The following KREMEN1 variants were observed in gnomAD, a reference collection of about 807,000 sequenced individuals.
KREMEN1 encodes kremen protein 1.
KREMEN1 carries 30 observed loss-of-function variants against 46.5 expected under a neutral mutation model. The observed-to-expected ratio is 0.65, with a 90% confidence interval of 0.48 to 0.88. KREMEN1 has a LOEUF of 0.88. Among genes scored for constraint, KREMEN1 ranks in the 40% least tolerant of loss-of-function variants. KREMEN1 has a pLI of 0.00. For missense variants in KREMEN1, 533 were observed against 596.9 expected (o/e 0.89, Z 1.11); for synonymous variants, 214 against 230.6 (o/e 0.93, Z 0.65).
rs752545754 is a variant in KREMEN1, at chr22:29,121,424, G to A, written c.420G>A (p.Thr140=). Residue 140 remains threonine, a synonymous_variant, in exon 4 of 9, where the codon ACG becomes ACA. Transcript: ENST00000400335. ...NPPPLTGTSK[T]SNKLTIQTCI... ...CTCCTCTAACTGGCACCAGTAAAAC[G>A]TCCAACAAACTCACCATACAAACTT... 11 of 1,613,956 alleles carry A rather than the reference G, an allele frequency of 6.8e-6. No individual in the cohort carries two copies. The highest frequency in any genetic ancestry group is 2.7e-5 in the African/African-American group (2 of 74,898).
At chr22:29,090,948 C>T (rs2037794409) in intron 1 of KREMEN1, among the ~76,000 whole-genome samples, 1 of 151,362 alleles carries the variant, frequency 6.6e-6, no homozygotes, top group African/African-American at 2.4e-5. Context: ...ATCTCGTCTC[C>T]ATGAGGACTG....
chr22:29,073,412 C>A lies in KREMEN1; in HGVS notation c.97+185C>A, dbSNP rs2037507486. Among the ~76,000 whole-genome samples, 3 of 151,694 alleles carry A rather than the reference C, an allele frequency of 2.0e-5. No individual in the cohort carries two copies. The highest frequency in any genetic ancestry group is 6.6e-5 in the Admixed American group (1 of 15,262). On this transcript the variant is annotated intron_variant, in intron 1 of 8. Transcript: ENST00000400335. The surrounding 1 kb of genome is among the most constrained non-coding windows in gnomAD (Gnocchi z 4.4). ...CCTGGGACCCGGGCTACCCCCAGGCCCGTCATCGACGCCCCCGGGCCCGGT... is the reference window on the plus strand; with the variant it reads ...CCTGGGACCCGGGCTACCCCCAGGCACGTCATCGACGCCCCCGGGCCCGGT...
chr22:29,151,501 G>T (rs1206381565), downstream of KREMEN1, among the ~76,000 whole-genome samples: 1 of 152,122 alleles, frequency 6.6e-6, no homozygotes, highest in Non-Finnish European at 1.5e-5. Context: ...ACTCCAACAA[G>T]CCCTGGAGCC....
At chr22:29,107,360 T>C (rs1445874465) in intron 3 of KREMEN1, among the ~76,000 whole-genome samples, 1 of 151,710 alleles carries the variant, frequency 6.6e-6, no homozygotes, top group East Asian at 1.9e-4. Flanking sequence ...AGTAGCTGGA[T>C]TACAGGTGCC....
intron 1 of KREMEN1, among the ~76,000 whole-genome samples, chr22:29,076,037 A>T (rs2037564542): frequency 6.6e-6 from 1 of 152,142 alleles, no homozygotes; most frequent in Non-Finnish European, 1.5e-5. Flanking sequence ...AGTAGAAGGT[A>T]ATGGAATCTA....
At chr22:29,140,247 A>G in intron 7 of KREMEN1, 35 bp from the exon 8 acceptor site, 2 of 1,574,136 alleles carry the variant, frequency 1.3e-6, no homozygotes, top group Middle Eastern at 1.7e-4. Context: ...CCAACCATAA[A>G]CAAGTCTGGT....
chr22:29,086,340 C>T (rs1432068009), intron 1 of KREMEN1, among the ~76,000 whole-genome samples: 2 of 152,158 alleles, frequency 1.3e-5, no homozygotes, highest in Non-Finnish European at 2.9e-5. Flanking sequence ...ATCATTTCCC[C>T]TTTATTGCAC....
rs567522780 is a variant in KREMEN1 at position 29,143,319 on chromosome 22, A to G, written c.*1207A>G. Reference sequence around the variant, plus strand: ...ACCTGAGCCAGGCCTCAGTCTCTCCATGATTGGCTCAGCTAACTCTCAGTT... The same window carrying G: ...ACCTGAGCCAGGCCTCAGTCTCTCCGTGATTGGCTCAGCTAACTCTCAGTT... On this transcript the variant is annotated 3_prime_UTR_variant, in exon 9 of 9. Transcript: ENST00000400335. 1.1e-5 allele frequency: 11 copies of G among 985,422 alleles called. No homozygotes were observed. The highest frequency in any genetic ancestry group is 1.0e-4 in the African/African-American group (6 of 57,352). 61.0% of individuals were successfully genotyped at this position (985,422 alleles called of 1,614,324 possible). A position where few individuals can be genotyped will look rare whatever the true frequency, so the allele number is the denominator to read the frequency against.
chr22:29,154,754 T>A (rs1458219811), intron 9 of KREMEN1: 1 of 152,148 alleles, frequency 6.6e-6, no homozygotes, highest in Non-Finnish European at 1.5e-5. Context: ...TCCCAGCTAC[T>A]CTGGAGGCTG....
chr22:29,145,321 C>T lies in KREMEN1; in HGVS notation c.*3209C>T, dbSNP rs2038839563. On this transcript the variant is annotated 3_prime_UTR_variant, in exon 9 of 9. Coordinates refer to ENST00000400335, the MANE Select transcript of KREMEN1 (RefSeq NM_001039570.3). Reference sequence around the variant, plus strand: ...AGTCAGAACCCATGGCAGAAGACTGCAGGAGAGGCAGGGGAGGGGCTTCGG... The same window carrying T: ...AGTCAGAACCCATGGCAGAAGACTGTAGGAGAGGCAGGGGAGGGGCTTCGG... 1 of 985,650 alleles carries T rather than the reference C, an allele frequency of 1.0e-6. No homozygotes were observed. Among genetic ancestry groups the T allele is most frequent in the Non-Finnish European group, 1.2e-6 (1 of 830,070 alleles). 61.1% of individuals were successfully genotyped at this position (985,650 alleles called of 1,614,324 possible).
At chr22:29,101,338 G>A (rs1569318654) in intron 3 of KREMEN1, among the ~76,000 whole-genome samples, 1 of 151,134 alleles carries the variant, frequency 6.6e-6, no homozygotes, top group East Asian at 1.9e-4. Flanking sequence ...TAAGCTAAGT[G>A]TTATTATGAA....
chr22:29,099,791 G>A (rs1403348618), intron 3 of KREMEN1, among the ~76,000 whole-genome samples: 10 of 151,924 alleles, frequency 6.6e-5, no homozygotes, highest in African/African-American at 2.2e-4. Flanking sequence ...CTCGTGATCC[G>A]CCCGCCTAGG....
rs2037925951 is a variant in KREMEN1 at position 29,098,795 on chromosome 22, C to G, written c.261-67C>G. On this transcript the variant is annotated intron_variant, in intron 2 of 8. Transcript: ENST00000400335. ...CTAAAGCATTTCCTTTTCTGTAAAA[C>G]TGAAAAGCAATGAACCAGTTGAATT... 4.1e-6 allele frequency: 5 copies of G among 1,210,340 alleles called. No individual in the cohort carries two copies. The South Asian group carries it at 6.1e-5, about 15-fold the overall frequency. The allele number at this position is 1,210,340 out of a possible 1,614,324, so 75.0% of individuals were successfully genotyped here.
intron 5 of KREMEN1, among the ~76,000 whole-genome samples, chr22:29,136,628 G>T (rs2038662212): frequency 6.6e-6 from 1 of 151,518 alleles, no homozygotes; most frequent in African/African-American, 2.4e-5. Context: ...AGGAGTTTCA[G>T]TTCTAAGATC....
chr22:29,150,590 T>C (rs1186633382), downstream of KREMEN1, among the ~76,000 whole-genome samples: 1 of 152,202 alleles, frequency 6.6e-6, no homozygotes, highest in East Asian at 1.9e-4. Context: ...GTCGTGCTTC[T>C]TTGCATATTG....
intron 3 of KREMEN1, among the ~76,000 whole-genome samples, chr22:29,117,497 G>T (rs1181131705): frequency 6.6e-6 from 1 of 151,926 alleles, no homozygotes; most frequent in Non-Finnish European, 1.5e-5. Context: ...AACCCGGGAG[G>T]CGGAGCTTGC....
chr22:29,092,638 G>A (rs578159564), intron 1 of KREMEN1, among the ~76,000 whole-genome samples: 118 of 152,346 alleles, frequency 7.7e-4, no homozygotes, highest in African/African-American at 2.8e-3. Context: ...TACACGAAGA[G>A]TTGCACTTAT....
intron 5 of KREMEN1, among the ~76,000 whole-genome samples, chr22:29,132,990 T>A (rs185847656): frequency 1.8e-3 from 272 of 152,326 alleles, no homozygotes; most frequent in Non-Finnish European, 3.1e-3. Context: ...GGCTCATGCC[T>A]GTAATCCCAG....
chr22:29,080,679 GTTTA>G (rs1434329505), intron 1 of KREMEN1, among the ~76,000 whole-genome samples: 1 of 152,192 alleles, frequency 6.6e-6, no homozygotes, highest in East Asian at 1.9e-4. Context: ...GACACTTTCT[GTTTA>G]TTTGACCATT....
Sources: gnomAD v4.1 joint callset for allele counts (sites outside exome capture counted in the v4.1 genomes callset) on GRCh38, gnomAD v4.1.1 for gene constraint, Gnocchi (gnomAD v3.1) non-coding constraint, MANE v1.5 for transcripts, NCBI Gene and HGNC (gene_info 2026-07-23, HGNC 2026-07-21) for gene names.